The following PTPRE variants were observed in gnomAD, a reference collection of about 807,000 sequenced individuals.
PTPRE encodes the protein receptor-type tyrosine-protein phosphatase epsilon.
Under a neutral mutation model 102.0 loss-of-function variants are expected in PTPRE, and 51 were observed. The observed-to-expected ratio is 0.50, with a 90% CI of 0.40 to 0.63. The LOEUF (loss-of-function observed/expected upper bound fraction) is 0.63. PTPRE is among the 30% of genes least tolerant of loss of function. The pLI, the probability that PTPRE is intolerant of heterozygous loss-of-function variation, is 0.00. For missense variants in PTPRE, 752 were observed against 915.1 expected (o/e 0.82, Z 2.30); for synonymous variants, 345 against 348.2 (o/e 0.99, Z 0.10).
chr10:128,061,104 T>A lies in PTPRE; in HGVS notation c.588+89T>A, dbSNP rs564561219. On this transcript the variant is annotated intron_variant, in intron 8 of 20. Transcript: ENST00000254667. ...TGTCTGGTGCCCGGAGTGTAAATTGTCACAACCTTTCTGGGCAGTTTGGCC... is the reference window on the plus strand; with the variant it reads ...TGTCTGGTGCCCGGAGTGTAAATTGACACAACCTTTCTGGGCAGTTTGGCC... 13 of 1,324,994 alleles carry A rather than the reference T, an allele frequency of 9.8e-6. No individual in the cohort carries two copies. The Admixed American group carries it at 1.2e-4, about 13-fold the overall frequency. 82.1% of individuals were successfully genotyped at this position (1,324,994 alleles called of 1,614,324 possible). A position where few individuals can be genotyped will look rare whatever the true frequency, so the allele number is the denominator to read the frequency against.
chr10:127,912,624 AG>A (rs1845940735), intron 1 of PTPRE, among the ~76,000 whole-genome samples: 1 of 152,256 alleles, frequency 6.6e-6, no homozygotes, highest in Non-Finnish European at 1.5e-5. Context: ...AAGAATTGAT[AG>A]GAAAACTTGT....
chr10:127,989,209 T>G (rs1001881396), intron 2 of PTPRE, among the ~76,000 whole-genome samples: 3 of 151,874 alleles, frequency 2.0e-5, no homozygotes, highest in Admixed American at 1.3e-4. Context: ...CATATACATA[T>G]TATATATTTA....
At chr10:127,921,392 A>C (rs2135181348) in intron 1 of PTPRE, among the ~76,000 whole-genome samples, 1 of 152,300 alleles carries the variant, frequency 6.6e-6, no homozygotes, top group South Asian at 2.1e-4. Flanking sequence ...TATGTGTGGA[A>C]GCAGGGGCCA....
Position 128,061,734 on chromosome 10 carries a change from T to A in PTPRE, c.625+19T>A, listed in dbSNP as rs774418036. On this transcript the variant is annotated intron_variant, in intron 9 of 20. Transcript: ENST00000254667. ...GCTCAAGGTAAGCTTTTTATTAATT[T>A]CTCAACGTATTTTTGGTAACGTGAA... 6.3e-7 allele frequency: 1 copy of A among 1,576,308 alleles called. No individual in the cohort carries two copies. Among genetic ancestry groups the A allele is most frequent in the Non-Finnish European group, 8.6e-7 (1 of 1,164,664 alleles).
intron 2 of PTPRE, among the ~76,000 whole-genome samples, chr10:128,036,929 G>A (rs965716673): frequency 2.6e-5 from 4 of 152,196 alleles, no homozygotes; most frequent in African/African-American, 9.6e-5. Context: ...CGGCCGCAAA[G>A]GCTATCCTGT....
chr10:127,917,041 A>G (rs1021101570), intron 1 of PTPRE, among the ~76,000 whole-genome samples: 3 of 152,022 alleles, frequency 2.0e-5, no homozygotes, highest in African/African-American at 7.2e-5. Flanking sequence ...TGTGTGTGGA[A>G]AGCCAGAATG....
intron 1 of PTPRE, among the ~76,000 whole-genome samples, chr10:127,980,690 T>C (rs374743308): frequency 1.3e-5 from 2 of 152,226 alleles, no homozygotes; most frequent in African/African-American, 4.8e-5. Context: ...TTTCTGCTTC[T>C]TGGGCTTCAA....
intron 2 of PTPRE, among the ~76,000 whole-genome samples, chr10:128,018,166 C>T (rs72847338): frequency 6.6e-6 from 1 of 150,392 alleles, no homozygotes; most frequent in Non-Finnish European, 1.5e-5. Context: ...GGGCTGGGGG[C>T]GTGGGAGGTA....
At chr10:127,972,481 T>G (rs1487224026) in intron 1 of PTPRE, among the ~76,000 whole-genome samples, 1 of 152,156 alleles carries the variant, frequency 6.6e-6, no homozygotes, top group East Asian at 1.9e-4. Context: ...TAAATGTGAT[T>G]ATTAGGTAGC....
intron 2 of PTPRE, among the ~76,000 whole-genome samples, chr10:127,991,081 AGAAACCATG>A (rs763051556): frequency 2.0e-5 from 3 of 152,228 alleles, no homozygotes; most frequent in Non-Finnish European, 4.4e-5. Flanking sequence ...TCATCTCGTC[AGAAACCATG>A]GAAACCCTCG....
chr10:128,062,333 A>C (rs954491237), intron 9 of PTPRE, among the ~76,000 whole-genome samples: 3 of 152,190 alleles, frequency 2.0e-5, no homozygotes, highest in African/African-American at 7.2e-5. Flanking sequence ...CAAATGCAGA[A>C]TCTCTAAGAA....
chr10:128,016,272 G>A (rs1416157013), intron 2 of PTPRE, among the ~76,000 whole-genome samples: 1 of 152,096 alleles, frequency 6.6e-6, no homozygotes, highest in East Asian at 1.9e-4. Flanking sequence ...ACACAGAACA[G>A]GTCAAACCCA....
chr10:127,918,386 A>T (rs1183745410), intron 1 of PTPRE, among the ~76,000 whole-genome samples: 1 of 152,000 alleles, frequency 6.6e-6, no homozygotes, highest in Admixed American at 6.6e-5. Flanking sequence ...GTGAAACCCC[A>T]TCTCTACTAA....
chr10:128,047,677 T>C, intron 4 of PTPRE, 87 bp from the exon 5 acceptor site: 1 of 1,614,136 alleles, frequency 6.2e-7, no homozygotes, highest in Non-Finnish European at 8.5e-7. Flanking sequence ...TTTTCCCGGC[T>C]CACCTGGTGG....
At chr10:128,029,963 A>C (rs1417145225) in intron 2 of PTPRE, among the ~76,000 whole-genome samples, 1 of 152,200 alleles carries the variant, frequency 6.6e-6, no homozygotes. Context: ...ACTTATCTCC[A>C]TCCCCCCACC....
intron 1 of PTPRE, among the ~76,000 whole-genome samples, chr10:127,969,193 ATTTC>A (rs1017614674): frequency 1.3e-5 from 2 of 152,242 alleles, no homozygotes; most frequent in African/African-American, 4.8e-5. Flanking sequence ...CTGTTGCTCC[ATTTC>A]TTTCACCGTC....
chr10:128,069,630 GC>G, intron 12 of PTPRE, 61 bp from the exon 13 acceptor site: 2 of 1,600,096 alleles, frequency 1.2e-6, no homozygotes, highest in Non-Finnish European at 1.7e-6. Context: ...CCCCTTCGGG[GC>G]CTTTCATTTA....
At chr10:128,039,936 C>T (rs985643170) in intron 2 of PTPRE, among the ~76,000 whole-genome samples, 1 of 152,212 alleles carries the variant, frequency 6.6e-6, no homozygotes, top group Non-Finnish European at 1.5e-5. Context: ...TAGCGATGCT[C>T]TGATGTTTTG....
intron 2 of PTPRE, among the ~76,000 whole-genome samples, chr10:127,987,550 A>T (rs11817943): frequency 0.18 from 27,419 of 152,118 alleles, 2,731 homozygotes; most frequent in East Asian, 0.38. Context: ...AGTTACCTTT[A>T]TCCAGCTCTG....
Sources: allele counts gnomAD v4.1 joint callset (sites outside exome capture counted in the v4.1 genomes callset), GRCh38; gene constraint gnomAD v4.1.1; transcripts MANE v1.5; gene names NCBI Gene and HGNC (gene_info 2026-07-23, HGNC 2026-07-21).